The following DNAAF5 variants were observed in gnomAD, a reference collection of about 807,000 sequenced individuals.
DNAAF5 encodes the protein HEAT repeat containing 2.
A neutral mutation model predicts 75.8 loss-of-function variants in DNAAF5; 64 were observed. The observed-to-expected ratio is 0.84, with a 90% CI of 0.69 to 1.04. The LOEUF is 1.04. DNAAF5 is among the 50% of genes least tolerant of loss of function. The pLI is 0.00. For synonymous variants in DNAAF5, 657 were observed against 557.2 expected (o/e 1.18, Z -2.52); for missense variants, 1,269 against 1,178.5 (o/e 1.08, Z -1.12).
intron 5 of DNAAF5, 82 bp from the exon 6 acceptor site, chr7:756,699 TG>T (rs1305008775): frequency 8.6e-6 from 11 of 1,281,192 alleles, no homozygotes; most frequent in Non-Finnish European, 1.2e-5. Context: ...CGGCTGTGTC[TG>T]GGAGGCCACG....
rs6943337 is a variant in DNAAF5 at position 741,343 on chromosome 7, T to G, written c.906-4T>G. 1,288,365 of 1,585,028 alleles carry G rather than the reference T, an allele frequency of 0.81. 525,722 individuals carry two copies. Among genetic ancestry groups the G allele is most frequent in the South Asian group, 0.87 (75,190 of 86,842 alleles). On this transcript the variant is annotated splice_polypyrimidine_tract_variant and splice_region_variant and intron_variant, in intron 3 of 12. Transcript: ENST00000297440. ...GCCACTGTTGTCTGTCTGTTGTGCCTCAGGCAGCTGGCTGCCAGCCTCTGG... is the reference window on the plus strand; with the variant it reads ...GCCACTGTTGTCTGTCTGTTGTGCCGCAGGCAGCTGGCTGCCAGCCTCTGG...
intron 1 of DNAAF5, among the ~76,000 whole-genome samples, chr7:729,455 G>A (rs781230269): frequency 5.9e-5 from 9 of 152,338 alleles, no homozygotes; most frequent in Non-Finnish European, 1.3e-4. Flanking sequence ...AGGGTGGGAC[G>A]CTTGTCCCTG....
intron 7 of DNAAF5, among the ~76,000 whole-genome samples, chr7:763,027 T>C (rs761250855): frequency 6.6e-6 from 1 of 152,236 alleles, no homozygotes; most frequent in Non-Finnish European, 1.5e-5. Context: ...CCTCCCATTC[T>C]GTCTCTGTGG....
chr7:739,680 G>A (rs538692164), intron 2 of DNAAF5, among the ~76,000 whole-genome samples: 8 of 152,290 alleles, frequency 5.3e-5, no homozygotes, highest in African/African-American at 1.2e-4. Flanking sequence ...CTCCCCTCAC[G>A]GGACCTTAGT....
At position 741,422 on chromosome 7, in the gene DNAAF5, G is replaced by A. The variant is rs867566436; in HGVS notation, c.981G>A (p.Lys327=). 3 of 1,571,648 alleles carry A rather than the reference G, an allele frequency of 1.9e-6. No individual in the cohort carries two copies. The highest frequency in any genetic ancestry group is 1.3e-5 in the African/African-American group (1 of 74,590). The change falls in exon 4 of 13, where the codon AAG becomes AAA. Residue 327 remains lysine (K), a synonymous_variant. Transcript: ENST00000297440. ...AGAATGAGGAGGACCTGAAGGACAA[G>A]CTGGACTTTGCCCCTCCCACCCCAC... The part of the protein sequence containing the change: ...QKENEEDLKD[K]LDFAPPTPPH...
At chr7:768,768 T>G (rs62432864) in intron 8 of DNAAF5, 155,923 of 194,266 alleles carry the variant, frequency 0.8, 62,930 homozygotes, top group South Asian at 0.85. Flanking sequence ...TCAGCGTGCT[T>G]CTTTTTCCCA....
rs34943122 is a variant in DNAAF5, at chr7:774,975, G to A, written c.2083-31G>A. The A allele has an allele frequency of 0.61, 988,314 of 1,609,246 alleles. 304,794 individuals are homozygous for A. The highest frequency in any genetic ancestry group is 0.7 in the African/African-American group (52,268 of 74,844). ...CCCCACCCCACCCCAGGACAGATGT[G>A]AGTCACGTCGTATGTGTTTGCTGAT... On this transcript the variant is annotated intron_variant, in intron 10 of 12. Coordinates refer to ENST00000297440, the MANE Select transcript of DNAAF5 (RefSeq NM_017802.4).
intron 9 of DNAAF5, 121 bp from the exon 10 acceptor site, chr7:773,927 T>G: frequency 8.8e-7 from 1 of 1,130,944 alleles, no homozygotes; most frequent in Non-Finnish European, 1.3e-6. Context: ...GGCCTCGTGT[T>G]TTGGGGTCGA....
At chr7:739,600 G>C (rs1781842494) in intron 2 of DNAAF5, among the ~76,000 whole-genome samples, 3 of 152,346 alleles carry the variant, frequency 2.0e-5, no homozygotes, top group Admixed American at 2.0e-4. Context: ...CGCACGCCGA[G>C]AGTCGCCTGT....
At chr7:780,216 G>T in intron 12 of DNAAF5, 72 bp downstream of exon 12, 1 of 1,451,126 alleles carries the variant, frequency 6.9e-7, no homozygotes, top group Admixed American at 1.9e-5. Flanking sequence ...CTGTAGCTGA[G>T]CCGTGTGACC....
At chr7:727,834 A>C (rs1459700195) in intron 1 of DNAAF5, among the ~76,000 whole-genome samples, 12 of 99,824 alleles carry the variant, frequency 1.2e-4, no homozygotes, top group Non-Finnish European at 1.3e-4. Flanking sequence ...CCTCCACCCC[A>C]CCCGGGCCCA....
chr7:765,137 A>T (rs2128081496), intron 8 of DNAAF5, among the ~76,000 whole-genome samples: 1 of 152,242 alleles, frequency 6.6e-6, no homozygotes, highest in South Asian at 2.1e-4. Context: ...CAAACAAAAA[A>T]CAAAGCTGGC....
In DNAAF5 at chr7:729,778, T is replaced by C. The variant is rs543710960; in HGVS notation, c.711T>C (p.Phe237=). 3.1e-4 allele frequency: 505 copies of C among 1,614,252 alleles called. 3 individuals are homozygous for C. In the African/African-American group the frequency reaches 5.6e-3, roughly 18 times the overall value. ...AAGCCACAGGCGCAGTGATCCATTT[T>C]GGCAACGGGAAGTCCGTGGACGACG... The part of the protein sequence containing the change: ...AIEATGAVIH[F]GNGKSVDDVL... Residue 237 remains phenylalanine (F), a synonymous_variant, in exon 2 of 13, where the codon TTT becomes TTC. Coordinates refer to ENST00000297440, the MANE Select transcript of DNAAF5 (RefSeq NM_017802.4).
chr7:741,003 G>T, intron 3 of DNAAF5, 60 bp downstream of exon 3: 2 of 1,581,576 alleles, frequency 1.3e-6, no homozygotes, highest in South Asian at 2.3e-5. Flanking sequence ...AGCAGTGGTG[G>T]TTTCTCTTTG....
rs376316309 is a variant in DNAAF5, at chr7:773,208, C to T, written c.1932-840C>T. Reference sequence around the variant, plus strand: ...GAAACCTCGCGGAATGCGTGTAAATCACACCACACCAACGTCACTTTCCAC... The same window carrying T: ...GAAACCTCGCGGAATGCGTGTAAATTACACCACACCAACGTCACTTTCCAC... On this transcript the variant is annotated intron_variant, in intron 9 of 12. Coordinates refer to ENST00000297440, the MANE Select transcript of DNAAF5 (RefSeq NM_017802.4). 2.6e-5 allele frequency among the ~76,000 whole-genome samples: 4 copies of T among 152,312 alleles called. No homozygotes were observed. In the East Asian group the frequency reaches 7.7e-4, roughly 29 times the overall value.
intron 8 of DNAAF5, among the ~76,000 whole-genome samples, chr7:765,369 G>A (rs1363162678): frequency 1.3e-5 from 2 of 152,176 alleles, no homozygotes; most frequent in East Asian, 1.9e-4. Flanking sequence ...GGCCCAGGGT[G>A]TTGCATTTCA....
Position 763,945 on chromosome 7 carries a change from T to C in DNAAF5, c.1754T>C (p.Leu585Pro). The change falls in exon 8 of 13, where the codon CTG becomes CCG. Residue 585 changes from leucine to proline, a missense_variant. Physicochemically the swap from Leu to Pro is moderately conservative, Grantham distance 98 (BLOSUM62 -3). Coordinates refer to ENST00000297440, the MANE Select transcript of DNAAF5 (RefSeq NM_017802.4). ...TGGACCGCACACTCGCCGGAGCTCC[T>C]GCAGTTCAGTGTCATCGTCGCACAG... ...LDWTAHSPEL[L>P]QFSVIVAQSG... 1.9e-6 allele frequency: 3 copies of C among 1,606,752 alleles called. No homozygotes were observed. In the South Asian group the frequency reaches 3.3e-5, roughly 18 times the overall value.
chr7:737,897 A>G (rs1781786442), intron 2 of DNAAF5, among the ~76,000 whole-genome samples: 1 of 152,152 alleles, frequency 6.6e-6, no homozygotes, highest in Admixed American at 6.5e-5. Context: ...AGGTAGTTTT[A>G]TTGGGTTAAA....
intron 12 of DNAAF5, among the ~76,000 whole-genome samples, chr7:780,508 T>A (rs77927050): frequency 1.3e-5 from 2 of 152,260 alleles, no homozygotes; most frequent in African/African-American, 4.8e-5. Context: ...AATGTGTAGC[T>A]TGATGGAAGA....
Sources: gnomAD v4.1 joint callset for allele counts (sites outside exome capture counted in the v4.1 genomes callset) on GRCh38, gnomAD v4.1.1 for gene constraint, MANE v1.5 for transcripts, NCBI Gene and HGNC (gene_info 2026-07-23, HGNC 2026-07-21) for gene names.